The following SEMA6C variants were observed in gnomAD, a reference collection of about 807,000 sequenced individuals.
SEMA6C encodes semaphorin-6C.
SEMA6C carries 37 observed loss-of-function variants against 72.9 expected under a neutral mutation model. The observed-to-expected ratio is 0.51, with a 90% CI of 0.39 to 0.67. SEMA6C has a LOEUF of 0.67. SEMA6C is among the 30% of genes least tolerant of loss of function. The probability of loss-of-function intolerance (pLI) is 0.00; values close to 1 mark genes in which losing one functional copy is unlikely to be tolerated. For synonymous variants in SEMA6C, 578 were observed against 554.1 expected (o/e 1.04, Z -0.61); for missense variants, 1,189 against 1,263.6 (o/e 0.94, Z 0.89).
chr1:151,142,700 G>C, intron 2 of SEMA6C, 25 bp from the exon 3 acceptor site: 3 of 1,273,532 alleles, frequency 2.4e-6, no homozygotes, highest in South Asian at 1.6e-5. Flanking sequence ...AGGGAAAAGT[G>C]GGGGAGGAGC....
Position 151,132,222 on chromosome 1 carries a change from C to T in SEMA6C, c.*262G>A, listed in dbSNP as rs1417741599. On this transcript the variant is annotated 3_prime_UTR_variant, in exon 19 of 19. Coordinates refer to ENST00000368914, the MANE Select transcript of SEMA6C (RefSeq NM_030913.6). ...TTAAGGCAGCTTGGCTGGAAGGGAG[C>T]GGGGAGTGGGAGTCCGCCAGCTCCC... 8 of 1,498,746 alleles carry T rather than the reference C, an allele frequency of 5.3e-6. No homozygotes were observed. Among genetic ancestry groups the T allele is most frequent in the African/African-American group, 1.4e-5 (1 of 72,244 alleles). The allele number at this position is 1,498,746 out of a possible 1,614,324, so 92.8% of individuals were successfully genotyped here. A position where few individuals can be genotyped will look rare whatever the true frequency, so the allele number is the denominator to read the frequency against.
Position 151,136,963 on chromosome 1 carries a change from G to A in SEMA6C, c.868C>T (p.Pro290Ser). Residue 290 changes from proline (P) to serine (S), a missense_variant, in exon 11 of 19, where the codon CCT becomes TCT. Pro to Ser is a moderately conservative substitution (Grantham distance 74). This residue lies in a region of SEMA6C where 468 missense variants were observed against 577.4 expected (regional missense o/e 0.81). Coordinates refer to ENST00000368914, the MANE Select transcript of SEMA6C (RefSeq NM_030913.6). ...FLKLRLNCSV[P>S]GDSTFYFDVL... Reference sequence around the variant, plus strand: ...TCAAAATAGAAAGTAGAGTCCCCAGGGACAGAGCAGTTGAGCCGAAGCTTC... The same window carrying A: ...TCAAAATAGAAAGTAGAGTCCCCAGAGACAGAGCAGTTGAGCCGAAGCTTC... 3.1e-6 allele frequency: 5 copies of A among 1,614,170 alleles called. No individual in the cohort carries two copies. Among genetic ancestry groups the A allele is most frequent in the Non-Finnish European group, 4.2e-6 (5 of 1,180,030 alleles).
rs1265431398 is a variant in SEMA6C, at chr1:151,138,713, T to A, written c.373A>T (p.Ile125Phe). 1.9e-6 allele frequency: 3 copies of A among 1,613,890 alleles called. No individual in the cohort carries two copies. The Admixed American group carries it at 5.0e-5, about 27-fold the overall frequency. Residue 125 changes from isoleucine (I) to phenylalanine (F), a missense_variant, in exon 7 of 19, where the codon ATT (isoleucine) becomes TTT (phenylalanine). Ile to Phe is a conservative substitution (Grantham distance 21, BLOSUM62 0). Coordinates refer to ENST00000368914, the MANE Select transcript of SEMA6C (RefSeq NM_030913.6). ...GKLTDECYNY[I>F]RVLVPWDSQT... ...GAGTCCCAGGGAACAAGAACACGAATATAGTTGTAGCACTCATCCTAGAGA... is the reference window on the plus strand; with the variant it reads ...GAGTCCCAGGGAACAAGAACACGAAAATAGTTGTAGCACTCATCCTAGAGA...
chr1:151,134,137 T>TGG, intron 18 of SEMA6C: 1 of 1,072,346 alleles, frequency 9.3e-7, no homozygotes, highest in Non-Finnish European at 1.3e-6. Context: ...TCCTCCCTCC[T>TGG]GTGGAACCCA....
intron 4 of SEMA6C, 122 bp downstream of exon 4, chr1:151,139,854 C>T: frequency 8.2e-7 from 1 of 1,226,188 alleles, no homozygotes. Context: ...CCAAGCATGT[C>T]CACACCCCGT....
chr1:151,134,724 TC>T, intron 16 of SEMA6C, 49 bp from the exon 17 acceptor site: 2 of 1,612,394 alleles, frequency 1.2e-6, no homozygotes, highest in Non-Finnish European at 1.7e-6. Flanking sequence ...TGTCCGTATC[TC>T]CCACTCTGGC....
At chr1:151,136,608 G>C (rs758194227) in intron 11 of SEMA6C, 29 bp from the exon 12 acceptor site, 1 of 1,613,104 alleles carries the variant, frequency 6.2e-7, no homozygotes, top group Non-Finnish European at 8.5e-7. Flanking sequence ...ATGCAGGATA[G>C]GTGCTGAAAG....
chr1:151,132,764 G>T lies in SEMA6C; in HGVS notation c.2513C>A (p.Ser838Tyr). Residue 838 changes from serine to tyrosine, a missense_variant, in exon 19 of 19, where the codon TCC (serine) becomes TAC (tyrosine). Ser to Tyr is a moderately radical substitution (Grantham distance 144). Around this residue, in one of 2 missense-constraint regions of SEMA6C, gnomAD observed 721 missense variants for 686.2 expected, o/e 1.05. Coordinates refer to ENST00000368914, the MANE Select transcript of SEMA6C (RefSeq NM_030913.6). ...GACGCCCAGCCGGGGAGCGGGGGCG[G>T]AGAGCGCGGGCCGGGCGGGGGCAGA... ...CASAPARPAL[S>Y]APAPRLGVGG... 1 of 1,436,416 alleles carries T rather than the reference G, an allele frequency of 7.0e-7. No individual in the cohort carries two copies. The highest frequency in any genetic ancestry group is 1.5e-5 in the South Asian group (1 of 66,652). 89.0% of individuals were successfully genotyped at this position (1,436,416 alleles called of 1,614,324 possible).
chr1:151,133,924 C>T lies in SEMA6C; in HGVS notation c.1760-407G>A. The T allele has an allele frequency of 6.7e-7, 1 of 1,484,938 alleles. No homozygotes were observed. Among genetic ancestry groups the T allele is most frequent in the Non-Finnish European group, 9.2e-7 (1 of 1,087,322 alleles). The allele number at this position is 1,484,938 out of a possible 1,614,324, so 92.0% of individuals were successfully genotyped here. A position where few individuals can be genotyped will look rare whatever the true frequency, so the allele number is the denominator to read the frequency against. On this transcript the variant is annotated intron_variant, in intron 18 of 18. Coordinates refer to ENST00000368914, the MANE Select transcript of SEMA6C (RefSeq NM_030913.6). This position sits in a 1 kb window ranked among gnomAD's most constrained non-coding sequence, Gnocchi z 5.9. ...AACGCTCCGAGAATCAGCAGCCCCA[C>T]ACTTCACTCCTATCTCTCCCAAGTA...
chr1:151,143,955 G>T (rs1171884974), intron 2 of SEMA6C, among the ~76,000 whole-genome samples: 1 of 151,976 alleles, frequency 6.6e-6, no homozygotes, highest in African/African-American at 2.4e-5. Flanking sequence ...TCCCAGCCAG[G>T]ACCCAAGTGT....
In SEMA6C at chr1:151,133,976, A is replaced by T; in HGVS notation, c.1759+425T>A. The stretch of plus-strand genomic sequence containing the variant: ...CCCCCTTACCCCGAGTGTGAACTCC[A>T]AGAGTGGAAGACTGGGGCCGGGGGT... On this transcript the variant is annotated intron_variant, in intron 18 of 18. Transcript: ENST00000368914. The surrounding 1 kb of genome is among the most constrained non-coding windows in gnomAD (Gnocchi z 5.9). 1.6e-6 allele frequency: 2 copies of T among 1,237,988 alleles called. No individual in the cohort carries two copies. The highest frequency in any genetic ancestry group is 2.2e-6 in the Non-Finnish European group (2 of 893,402). 76.7% of individuals were successfully genotyped at this position (1,237,988 alleles called of 1,614,324 possible).
chr1:151,135,825 G>A, intron 13 of SEMA6C, 61 bp from the exon 14 acceptor site: 1 of 1,577,544 alleles, frequency 6.3e-7, no homozygotes, highest in Non-Finnish European at 8.7e-7. Context: ...ATTTCAGGGA[G>A]AGCCCAACTG....
chr1:151,145,328 G>A lies in SEMA6C; in HGVS notation c.-104-894C>T, dbSNP rs1404789184. 6.6e-6 allele frequency: 1 copy of A among 152,362 alleles called. No homozygotes were observed. Among genetic ancestry groups the A allele is most frequent in the East Asian group, 1.9e-4 (1 of 5,182 alleles). The allele number at this position is 152,362 out of a possible 1,614,324, so 9.4% of individuals were successfully genotyped here. On this transcript the variant is annotated intron_variant, in intron 1 of 18. Coordinates refer to ENST00000368914, the MANE Select transcript of SEMA6C (RefSeq NM_030913.6). The surrounding 1 kb of genome is among the most constrained non-coding windows in gnomAD (Gnocchi z 4.4). ...AGGGGAGACTGGGCTGGGGACAATA[G>A]CAGGAAGCCTTTGGGCTGGTCGCCC...
rs1681611551 is a variant in SEMA6C at position 151,132,437 on chromosome 1, G to A, written c.*47C>T. ...CCTGAAGAGCGTCCAGCTCGTGGCC[G>A]AGAGGACTCGGGCGCTCCCCACGCT... is the stretch of plus-strand genomic sequence containing the variant. On this transcript the variant is annotated 3_prime_UTR_variant, in exon 19 of 19. Transcript: ENST00000368914. 1.3e-6 allele frequency: 2 copies of A among 1,530,046 alleles called. No individual in the cohort carries two copies. Among genetic ancestry groups the A allele is most frequent in the Non-Finnish European group, 1.8e-6 (2 of 1,135,766 alleles). The allele number at this position is 1,530,046 out of a possible 1,614,324, so 94.8% of individuals were successfully genotyped here.
rs199589723 is a variant in SEMA6C, at chr1:151,142,629, G to C, written c.-8C>G. ...GTGGGGGGCACGGGGCATCCTGTGC[G>C]GGGCAGCTCAGGCCCCAGGGGGTGC... On this transcript the variant is annotated 5_prime_UTR_variant, in exon 3 of 19. Coordinates refer to ENST00000368914, the MANE Select transcript of SEMA6C (RefSeq NM_030913.6). The C allele has an allele frequency of 3.7e-5, 58 of 1,549,902 alleles. No individual in the cohort carries two copies. In the East Asian group the frequency reaches 1.1e-3, roughly 30 times the overall value.
Position 151,133,465 on chromosome 1 carries a change from T to A in SEMA6C, c.1812A>T (p.Pro604=). ...CTGCGGCCACACTGGCCAGGAGGAG[T>A]GGGATGGGGACGGAGCGGGAGGCCG... ...PASASRSVPI[P]LLLASVAAAF... Residue 604 remains proline (P), a synonymous_variant, in exon 19 of 19, where the codon CCA becomes CCT. Coordinates refer to ENST00000368914, the MANE Select transcript of SEMA6C (RefSeq NM_030913.6). This position sits in a 1 kb window ranked among gnomAD's most constrained non-coding sequence, Gnocchi z 5.9. The A allele has an allele frequency of 6.4e-7, 1 of 1,554,476 alleles. No individual in the cohort carries two copies. The highest frequency in any genetic ancestry group is 1.2e-5 in the South Asian group (1 of 86,210).
At chr1:151,143,211 G>A (rs1444393578) in intron 2 of SEMA6C, among the ~76,000 whole-genome samples, 1 of 152,190 alleles carries the variant, frequency 6.6e-6, no homozygotes, top group Non-Finnish European at 1.5e-5. Context: ...GGAAGACACA[G>A]TTGGGGGAGG....
chr1:151,140,141 C>T (rs756143423), intron 3 of SEMA6C, 51 bp from the exon 4 acceptor site: 12 of 1,470,474 alleles, frequency 8.2e-6, no homozygotes, highest in African/African-American at 1.4e-5. Flanking sequence ...ACTTCCCCAA[C>T]ACCCTCTCCA....
At chr1:151,138,493 T>A in intron 7 of SEMA6C, 87 bp from the exon 8 acceptor site, 1 of 1,444,312 alleles carries the variant, frequency 6.9e-7, no homozygotes, top group Non-Finnish European at 9.6e-7. Context: ...CGTTGCCTCC[T>A]CCCCAACCCC....
Sources: allele counts gnomAD v4.1 joint callset (sites outside exome capture counted in the v4.1 genomes callset), GRCh38; gene constraint gnomAD v4.1.1; regional missense constraint gnomAD v4.1.1; non-coding constraint Gnocchi (gnomAD v3.1); transcripts MANE v1.5; gene names NCBI Gene and HGNC (gene_info 2026-07-23, HGNC 2026-07-21).